Variants in MCM3AP observed in about 807,000 individuals in gnomAD.
The protein encoded by MCM3AP is germinal-center associated nuclear protein.
MCM3AP carries 126 observed loss-of-function variants against 184.1 expected under a neutral mutation model. The ratio of observed to expected loss-of-function variants is 0.68; its 90% CI spans 0.59 to 0.79. The LOEUF is 0.79. Among genes scored for constraint, MCM3AP ranks in the 30% least tolerant of loss-of-function variants. MCM3AP has a pLI of 0.00. For missense variants in MCM3AP, 2,496 were observed against 2,479.2 expected, an observed-to-expected ratio of 1.01 and a Z score of -0.14; for synonymous variants, 1,002 against 979.3, an observed-to-expected ratio of 1.02 and a Z score of -0.43.
intron 26 of MCM3AP, 57 bp downstream of exon 26, chr21:46,240,754 C>T: frequency 6.8e-7 from 1 of 1,471,600 alleles, no homozygotes; most frequent in South Asian, 1.2e-5. Flanking sequence ...TAACCAGTCT[C>T]CCCTCACAGC....
chr21:46,273,657 G>T, intron 6 of MCM3AP, 72 bp from the exon 7 acceptor site: 1 of 1,199,174 alleles, frequency 8.3e-7, no homozygotes. Context: ...GCCTGAAAAT[G>T]AGGGGGAAAA....
In MCM3AP at chr21:46,243,447, G is replaced by A. The variant is rs781253830; in HGVS notation, c.5296+18C>T. On this transcript the variant is annotated intron_variant, in intron 24 of 27. Coordinates refer to ENST00000291688, the MANE Select transcript of MCM3AP (RefSeq NM_003906.5). ...AGTCTCGTGAGGAGCTGATCCCATT[G>A]CATCAAGCTCTAATTACCTGATGTA... The A allele has an allele frequency of 6.9e-6, 11 of 1,586,314 alleles. No homozygotes were observed. In the South Asian group the frequency reaches 1.3e-4, roughly 18 times the overall value.
chr21:46,236,998 A>C lies in MCM3AP; in HGVS notation c.5634-19T>G. 1 of 1,460,990 alleles carries C rather than the reference A, an allele frequency of 6.8e-7. No homozygotes were observed. The highest frequency in any genetic ancestry group is 1.5e-5 in the South Asian group (1 of 66,656). The allele number at this position is 1,460,990 out of a possible 1,614,324, so 90.5% of individuals were successfully genotyped here. ...TTCAAACCTGAAACAATATGTAATA[A>C]ATTCAAAAATATTTGAGCATTAGGA... On this transcript the variant is annotated intron_variant, in intron 26 of 27. Coordinates refer to ENST00000291688, the MANE Select transcript of MCM3AP (RefSeq NM_003906.5).
chr21:46,243,039 A>T, intron 24 of MCM3AP, 108 bp from the exon 25 acceptor site: 1 of 1,030,494 alleles, frequency 9.7e-7, no homozygotes, highest in Non-Finnish European at 1.4e-6. Flanking sequence ...ATAATATTTA[A>T]ACAGCGACAG....
intron 9 of MCM3AP, among the ~76,000 whole-genome samples, chr21:46,268,380 G>T (rs2081139413): frequency 6.6e-6 from 1 of 152,208 alleles, no homozygotes; most frequent in African/African-American, 2.4e-5. Flanking sequence ...TTTTAATGCT[G>T]AGAGTACAAC....
At chr21:46,271,577 C>T (rs1401960593) in intron 8 of MCM3AP, among the ~76,000 whole-genome samples, 2 of 151,940 alleles carry the variant, frequency 1.3e-5, no homozygotes, top group Admixed American at 1.3e-4. Context: ...AATTTAAAAT[C>T]AGCCGGGCAT....
intron 27 of MCM3AP, 155 bp from the exon 28 acceptor site, chr21:46,235,581 C>T: frequency 1.6e-6 from 1 of 631,722 alleles, no homozygotes; most frequent in Non-Finnish European, 2.8e-6. Context: ...TATATCCTTC[C>T]AGCCTCATTT....
chr21:46,258,923 G>A lies in MCM3AP; in HGVS notation c.3734+16C>T. 3 of 1,613,748 alleles carry A rather than the reference G, an allele frequency of 1.9e-6. No homozygotes were observed. The highest frequency in any genetic ancestry group is 2.2e-5 in the East Asian group (1 of 44,876). ...CCCGTGTGTGTGGATTTTGCCTGTA[G>A]GAACACAGGACTCACCGCTGTAGAT... is the stretch of plus-strand genomic sequence containing the variant. On this transcript the variant is annotated intron_variant, in intron 16 of 27. Coordinates refer to ENST00000291688, the MANE Select transcript of MCM3AP (RefSeq NM_003906.5).
In MCM3AP at chr21:46,283,795, C is replaced by G; in HGVS notation, c.1263G>C (p.Glu421Asp). Reference sequence around the variant, plus strand: ...ACAAGCCCCCAAGACTGTCTGTGCTCTCGCTTCTGTTACTCTGACGCGCCG... The same window carrying G: ...ACAAGCCCCCAAGACTGTCTGTGCTGTCGCTTCTGTTACTCTGACGCGCCG... Reference protein sequence around the residue: ...GTPARQSNRSESTDSLGGLSP... With the variant: ...GTPARQSNRSDSTDSLGGLSP... The change falls in exon 2 of 28, where the codon GAG (glutamate) becomes GAC (aspartate). Residue 421 changes from glutamate to aspartate, a missense_variant. Coordinates refer to ENST00000291688, the MANE Select transcript of MCM3AP (RefSeq NM_003906.5). 1 of 1,614,094 alleles carries G rather than the reference C, an allele frequency of 6.2e-7. No individual in the cohort carries two copies. Among genetic ancestry groups the G allele is most frequent in the Non-Finnish European group, 8.5e-7 (1 of 1,180,044 alleles).
chr21:46,267,107 C>T lies in MCM3AP; in HGVS notation c.2664G>A (p.Ala888=), dbSNP rs138728526. 21 of 1,614,036 alleles carry T rather than the reference C, an allele frequency of 1.3e-5. No homozygotes were observed. Among genetic ancestry groups the T allele is most frequent in the African/African-American group, 1.1e-4 (8 of 75,050 alleles). The change falls in exon 10 of 28, where the codon GCG becomes GCA. Residue 888 remains alanine (A), a synonymous_variant. Coordinates refer to ENST00000291688, the MANE Select transcript of MCM3AP (RefSeq NM_003906.5). ...TAGATCGCTGTGTGCTCACCGTGTACGCAAAGTTGAGCGCCCGGAGAGCAT... is the reference window on the plus strand; with the variant it reads ...TAGATCGCTGTGTGCTCACCGTGTATGCAAAGTTGAGCGCCCGGAGAGCAT... ...RKDALRALNF[A]YTVSTQRSTI...
intron 2 of MCM3AP, 33 bp downstream of exon 2, chr21:46,283,582 T>A: frequency 6.9e-7 from 1 of 1,459,708 alleles, no homozygotes; most frequent in Non-Finnish European, 9.6e-7. Flanking sequence ...GGTTCAAATC[T>A]AGGGTAACAA....
Position 46,272,680 on chromosome 21 carries a change from GC to G in MCM3AP, c.2345del (p.Cys782SerfsTer5). On this transcript the variant is annotated frameshift_variant, in exon 8 of 28. Coordinates refer to ENST00000291688, the MANE Select transcript of MCM3AP (RefSeq NM_003906.5). LOFTEE classifies it high-confidence loss of function. Reference protein sequence around the residue: ...AKINNENMTKCLQSLKEMYQD... With the variant: ...AKINNENMTKXLQSLKEMYQD... ...GGTACATCTCCTTCAGGCTCTGCAG[GC>G]ACTTGGTCATGTTCTCATTATTGAT... 6.2e-7 allele frequency: 1 copy of G among 1,614,158 alleles called. No individual in the cohort carries two copies. The highest frequency in any genetic ancestry group is 8.5e-7 in the Non-Finnish European group (1 of 1,180,038).
At position 46,256,763 on chromosome 21, in the gene MCM3AP, C is replaced by T. The variant is rs761009549; in HGVS notation, c.3932+26G>A. On this transcript the variant is annotated intron_variant, in intron 17 of 27. Coordinates refer to ENST00000291688, the MANE Select transcript of MCM3AP (RefSeq NM_003906.5). ...CCAAGTGGGGGCAGGGGAGCCCTGACGAGGCAGGCGACAGCTGATGCTGAC... is the reference window on the plus strand; with the variant it reads ...CCAAGTGGGGGCAGGGGAGCCCTGATGAGGCAGGCGACAGCTGATGCTGAC... The T allele has an allele frequency of 1.3e-5, 20 of 1,535,964 alleles. No homozygotes were observed. In the Admixed American group the frequency reaches 1.6e-4, roughly 12 times the overall value.
chr21:46,274,673 C>T (rs150946218), intron 6 of MCM3AP, among the ~76,000 whole-genome samples: 76 of 152,158 alleles, frequency 5.0e-4, no homozygotes, highest in African/African-American at 1.7e-3. Flanking sequence ...TGGTGGCTCA[C>T]GCCTGTAATC....
At chr21:46,250,810 T>C (rs2080856325) in intron 20 of MCM3AP, 1 of 152,260 alleles carries the variant, frequency 6.6e-6, no homozygotes, top group Admixed American at 6.5e-5. Context: ...ACAGACATTA[T>C]TTTAAGCTGC....
Position 46,244,847 on chromosome 21 carries a change from G to A in MCM3AP, c.4998C>T (p.Leu1666=), listed in dbSNP as rs780248956. The A allele has an allele frequency of 4.3e-6, 7 of 1,613,980 alleles. No homozygotes were observed. The highest frequency in any genetic ancestry group is 4.5e-5 in the East Asian group (2 of 44,886). The change falls in exon 23 of 28, where the codon CTC becomes CTT. Residue 1666 remains leucine, a synonymous_variant. Transcript: ENST00000291688. ...EHLAWLKQAV[L]GFQLPQMDLP... ...GGTCCATCTGCGGAAGCTGGAACCC[G>A]AGCACAGCCTGCTTCAGCCAGGCCA...
At position 46,272,841 on chromosome 21, in the gene MCM3AP, C is replaced by A. The variant is rs200755981; in HGVS notation, c.2197-12G>T. The A allele has an allele frequency of 6.4e-7, 1 of 1,560,914 alleles. No homozygotes were observed. The highest frequency in any genetic ancestry group is 8.7e-7 in the Non-Finnish European group (1 of 1,152,076). On this transcript the variant is annotated splice_polypyrimidine_tract_variant and intron_variant, in intron 7 of 27. Transcript: ENST00000291688. ...TGCTGCGTGATATCCTGGCCACAGG[C>A]GAGGGGGAGGATCACACACACATTC...
At chr21:46,239,443 A>C (rs1405620594) in intron 26 of MCM3AP, among the ~76,000 whole-genome samples, 1 of 152,196 alleles carries the variant, frequency 6.6e-6, no homozygotes, top group East Asian at 1.9e-4. Flanking sequence ...TTTTCAATAG[A>C]GCCAATAGGA....
At chr21:46,271,015 C>T (rs577204438) in intron 8 of MCM3AP, among the ~76,000 whole-genome samples, 3 of 152,342 alleles carry the variant, frequency 2.0e-5, no homozygotes, top group African/African-American at 7.2e-5. Context: ...AATGGACTGT[C>T]AGCTGTGCTG....
Sources: gnomAD v4.1 joint callset for allele counts (sites outside exome capture counted in the v4.1 genomes callset) on GRCh38, gnomAD v4.1.1 for gene constraint, MANE v1.5 for transcripts, NCBI Gene and HGNC (gene_info 2026-07-23, HGNC 2026-07-21) for gene names.